ZNF554: variants seen among roughly 807,000 people sequenced by gnomAD.
ZNF554 encodes the protein zinc finger protein 554.
ZNF554 carries 15 observed loss-of-function variants against 21.2 expected under a neutral mutation model. That is an observed-to-expected ratio of 0.71 (90% CI 0.47 to 1.09). ZNF554 has a LOEUF of 1.09. Ranked by LOEUF, ZNF554 falls within the 50% of genes least tolerant of loss-of-function variation. The pLI is 0.00. For synonymous variants in ZNF554, 258 were observed against 251.4 expected, an observed-to-expected ratio of 1.03 and a Z score of -0.25; for missense variants, 691 against 662.7, an observed-to-expected ratio of 1.04 and a Z score of -0.47.
chr19:2,826,287 C>T (rs138628725), intron 2 of ZNF554: 3 of 147,928 alleles, frequency 2.0e-5, no homozygotes, highest in African/African-American at 7.5e-5. Flanking sequence ...TCACTGCAAC[C>T]TCTGCCTCCC....
Position 2,834,933 on chromosome 19 carries a change from A to G in ZNF554, c.*81A>G, listed in dbSNP as rs1280911384. Reference sequence around the variant, plus strand: ...TATCTTTTGCCCTGTTGTGATGGATAATTTGAAAAGAAGTGGGTTTATGTC... The same window carrying G: ...TATCTTTTGCCCTGTTGTGATGGATGATTTGAAAAGAAGTGGGTTTATGTC... On this transcript the variant is annotated 3_prime_UTR_variant, in exon 5 of 5. Coordinates refer to ENST00000317243, the MANE Select transcript of ZNF554 (RefSeq NM_001102651.2). 1 of 1,315,398 alleles carries G rather than the reference A, an allele frequency of 7.6e-7. No individual in the cohort carries two copies. The highest frequency in any genetic ancestry group is 1.0e-6 in the Non-Finnish European group (1 of 963,094). 81.5% of individuals were successfully genotyped at this position (1,315,398 alleles called of 1,614,324 possible).
At chr19:2,824,436 C>T (rs1568332231) in intron 2 of ZNF554, among the ~76,000 whole-genome samples, 2 of 152,250 alleles carry the variant, frequency 1.3e-5, no homozygotes, top group South Asian at 4.1e-4. Flanking sequence ...CCTGCTGCTG[C>T]TGACATGATG....
intron 2 of ZNF554, among the ~76,000 whole-genome samples, chr19:2,825,003 GTTTTTTTTTTTTT>G (rs140025750): frequency 2.0e-5 from 2 of 97,696 alleles, no homozygotes; most frequent in African/African-American, 3.8e-5. Flanking sequence ...GATTGCAGTT[GTTTTTTTTTTTTT>G]TTTTTTTTTT....
At chr19:2,828,329 A>G (rs1358376942) in intron 3 of ZNF554, among the ~76,000 whole-genome samples, 1 of 152,208 alleles carries the variant, frequency 6.6e-6, no homozygotes, top group Non-Finnish European at 1.5e-5. Context: ...CAGCTCAGGC[A>G]TAGATAACTT....
rs978711865 is a variant in ZNF554, at chr19:2,822,942, G to A, written c.54-98G>A. The A allele has an allele frequency of 4.7e-6, 6 of 1,282,478 alleles. No individual in the cohort carries two copies. The East Asian group carries it at 1.2e-4, about 25-fold the overall frequency. 79.4% of individuals were successfully genotyped at this position (1,282,478 alleles called of 1,614,324 possible). A position where few individuals can be genotyped will look rare whatever the true frequency, so the allele number is the denominator to read the frequency against. ...AGTTTACCTCCCTCTGTGTATGGGG[G>A]GCCCCTTCAAGCAAATGGAGGTTCT... On this transcript the variant is annotated intron_variant, in intron 1 of 4. Coordinates refer to ENST00000317243, the MANE Select transcript of ZNF554 (RefSeq NM_001102651.2).
intron 2 of ZNF554, among the ~76,000 whole-genome samples, chr19:2,824,908 A>T (rs2087309745): frequency 6.6e-6 from 1 of 151,220 alleles, no homozygotes; most frequent in African/African-American, 2.4e-5. Flanking sequence ...GTCTCTCTGA[A>T]TCTGACAACT....
intron 3 of ZNF554, among the ~76,000 whole-genome samples, chr19:2,829,479 A>T (rs1326402376): frequency 6.6e-6 from 1 of 151,884 alleles, no homozygotes. Flanking sequence ...CTCTACTAAA[A>T]ATACAAAATT....
At chr19:2,825,000 G>GTTTTTTTTTTTTTTTTTTTTTTTTTTTT (rs1568332468) in intron 2 of ZNF554, among the ~76,000 whole-genome samples, 2 of 114,914 alleles carry the variant, frequency 1.7e-5, no homozygotes. Context: ...CGTGATTGCA[G>GTTTTTTTTTTTTTTTTTTTTTTTTTTTT]TTGTTTTTTT....
At position 2,831,774 on chromosome 19, in the gene ZNF554, G is replaced by GTT. The variant is rs933527452; in HGVS notation, c.254-527_254-526dup. 2.6e-5 allele frequency: 4 copies of GTT among 151,860 alleles called. No individual in the cohort carries two copies. In the Admixed American group the frequency reaches 2.6e-4, roughly 10 times the overall value. The allele number at this position is 151,860 out of a possible 1,614,324, so 9.4% of individuals were successfully genotyped here. On this transcript the variant is annotated intron_variant, in intron 3 of 4. Transcript: ENST00000317243. ...ACCACCACACCTGGCTAGTTTTTTT[G>GTT]TTTGTTTGTTTTTGGTTTTTTTTTG...
chr19:2,825,084 C>T (rs561178801), intron 2 of ZNF554, among the ~76,000 whole-genome samples: 210 of 141,506 alleles, frequency 1.5e-3, no homozygotes, highest in Non-Finnish European at 2.5e-3. Flanking sequence ...GCGATCTTGG[C>T]TCACTGCAAC....
chr19:2,823,396 A>C (rs974531823), intron 2 of ZNF554, among the ~76,000 whole-genome samples: 10 of 152,132 alleles, frequency 6.6e-5, no homozygotes, highest in African/African-American at 1.9e-4. Flanking sequence ...CCTTTGCCCA[A>C]GTTCTTGTCC....
intron 2 of ZNF554, among the ~76,000 whole-genome samples, chr19:2,824,010 C>T (rs111875923): frequency 5.9e-5 from 9 of 152,282 alleles, no homozygotes; most frequent in Non-Finnish European, 1.2e-4. Flanking sequence ...CTGCCTCCTG[C>T]TGCCATTCAC....
At chr19:2,832,601 T>C in intron 4 of ZNF554, 107 bp downstream of exon 4, 1 of 1,201,470 alleles carries the variant, frequency 8.3e-7, no homozygotes, top group Admixed American at 2.8e-5. Context: ...AATGCCAAGA[T>C]CCCTTTCTCG....
rs1204361403 is a variant in ZNF554, at chr19:2,821,943, G to A, written c.54-1097G>A. On this transcript the variant is annotated intron_variant, in intron 1 of 4. Coordinates refer to ENST00000317243, the MANE Select transcript of ZNF554 (RefSeq NM_001102651.2). This position sits in a 1 kb window ranked among gnomAD's most constrained non-coding sequence, Gnocchi z 8.2. ...CTTTCAAAATGCTGGGATTACAGAC[G>A]TGAGTCACCTAGTCCAGCTGTCTCT... Among the ~76,000 whole-genome samples, 3 of 152,130 alleles carry A rather than the reference G, an allele frequency of 2.0e-5. No individual in the cohort carries two copies. The highest frequency in any genetic ancestry group is 4.2e-4 in the South Asian group (2 of 4,818).
rs530292325 is a variant in ZNF554 at position 2,821,984 on chromosome 19, A to G, written c.54-1056A>G. 2.0e-5 allele frequency among the ~76,000 whole-genome samples: 3 copies of G among 152,156 alleles called. No homozygotes were observed. Among genetic ancestry groups the G allele is most frequent in the African/African-American group, 7.2e-5 (3 of 41,440 alleles). Reference sequence around the variant, plus strand: ...AGCTGTCTCTTTCTCTTATAAGGACAATACTCATGACCCCAGTAGCTGGAA... The same window carrying G: ...AGCTGTCTCTTTCTCTTATAAGGACGATACTCATGACCCCAGTAGCTGGAA... On this transcript the variant is annotated intron_variant, in intron 1 of 4. Transcript: ENST00000317243. This position sits in a 1 kb window ranked among gnomAD's most constrained non-coding sequence, Gnocchi z 8.2.
At position 2,827,724 on chromosome 19, in the gene ZNF554, C is replaced by T. The variant is rs202229914; in HGVS notation, c.234C>T (p.Tyr78=). Reference sequence around the variant, plus strand: ...ACAGAGAGGTGATGCTGGAGAACTACAGGAACGTGGTCTCCCTGGGTAAGG... The same window carrying T: ...ACAGAGAGGTGATGCTGGAGAACTATAGGAACGTGGTCTCCCTGGGTAAGG... ...NLYREVMLEN[Y]RNVVSLEALK... Residue 78 remains tyrosine, a synonymous_variant, in exon 3 of 5, where the codon TAC becomes TAT. Transcript: ENST00000317243. 6.2e-6 allele frequency: 10 copies of T among 1,613,786 alleles called. No individual in the cohort carries two copies. Among genetic ancestry groups the T allele is most frequent in the Admixed American group, 3.3e-5 (2 of 59,908 alleles).
intron 1 of ZNF554, among the ~76,000 whole-genome samples, chr19:2,822,598 G>A (rs1386698164): frequency 6.6e-6 from 1 of 152,144 alleles, no homozygotes; most frequent in Non-Finnish European, 1.5e-5. Flanking sequence ...CCCTGGCCAT[G>A]GATGTGTGTG....
intron 2 of ZNF554, among the ~76,000 whole-genome samples, chr19:2,826,006 T>C (rs1388763079): frequency 6.6e-6 from 1 of 152,008 alleles, no homozygotes; most frequent in Non-Finnish European, 1.5e-5. Context: ...GTTCAAGCAA[T>C]GCTCCTGCCT....
Position 2,834,708 on chromosome 19 carries a change from C to A in ZNF554, c.1473C>A (p.Pro491=). The A allele has an allele frequency of 6.2e-7, 1 of 1,614,084 alleles. No homozygotes were observed. The highest frequency in any genetic ancestry group is 8.5e-7 in the Non-Finnish European group (1 of 1,179,968). Residue 491 remains proline, a synonymous_variant, in exon 5 of 5, where the codon CCC becomes CCA. Coordinates refer to ENST00000317243, the MANE Select transcript of ZNF554 (RefSeq NM_001102651.2). ...RHERTHTGEK[P]YRCQECGKAF... Reference sequence around the variant, plus strand: ...AGAGAACTCACACTGGAGAGAAACCCTACAGGTGTCAGGAATGTGGGAAAG... The same window carrying A: ...AGAGAACTCACACTGGAGAGAAACCATACAGGTGTCAGGAATGTGGGAAAG...
Sources: gnomAD v4.1 joint callset for allele counts (sites outside exome capture counted in the v4.1 genomes callset) on GRCh38, gnomAD v4.1.1 for gene constraint, Gnocchi (gnomAD v3.1) non-coding constraint, MANE v1.5 for transcripts, NCBI Gene and HGNC (gene_info 2026-07-23, HGNC 2026-07-21) for gene names.